Variants in OXCT1 observed in about 807,000 individuals in gnomAD.
OXCT1 encodes succinyl-CoA:3-ketoacid coenzyme A transferase 1, mitochondrial.
In OXCT1, 27 loss-of-function variants were observed where a neutral mutation model predicts 69.6. That is an observed-to-expected ratio of 0.39 (90% confidence interval 0.29 to 0.54). The LOEUF is 0.54. Ranked by LOEUF, OXCT1 falls within the 20% of genes least tolerant of loss-of-function variation. The pLI is 0.72. For missense variants in OXCT1, 437 were observed against 650.2 expected (o/e 0.67, Z 3.57); for synonymous variants, 202 against 217.8 (o/e 0.93, Z 0.64).
At chr5:41,846,883 T>C (rs1748934184) in intron 5 of OXCT1, among the ~76,000 whole-genome samples, 1 of 152,210 alleles carries the variant, frequency 6.6e-6, no homozygotes, top group Non-Finnish European at 1.5e-5. Context: ...TGATGGCCAG[T>C]GATGGTGAGC....
intron 3 of OXCT1, among the ~76,000 whole-genome samples, chr5:41,855,825 C>T (rs1353925653): frequency 6.6e-6 from 1 of 152,108 alleles, no homozygotes; most frequent in African/African-American, 2.4e-5. Context: ...GAGAACCCAA[C>T]TTTTGGGGAG....
chr5:41,785,174 T>C (rs944450116), intron 13 of OXCT1, among the ~76,000 whole-genome samples: 1 of 152,182 alleles, frequency 6.6e-6, no homozygotes, highest in African/African-American at 2.4e-5. Flanking sequence ...GAAATAATAT[T>C]TTGCTCCTGG....
chr5:41,787,354 A>G (rs1745687079), intron 13 of OXCT1, among the ~76,000 whole-genome samples: 1 of 152,202 alleles, frequency 6.6e-6, no homozygotes. Context: ...AAAGAAGGGA[A>G]GCCAACAAGA....
At chr5:41,768,407 ATTTGG>A (rs1268165145) in intron 13 of OXCT1, among the ~76,000 whole-genome samples, 3 of 152,178 alleles carry the variant, frequency 2.0e-5, no homozygotes, top group African/African-American at 7.2e-5. Context: ...AGGGATACTC[ATTTGG>A]TTCTAGGTGA....
At chr5:41,752,890 C>T (rs1312105169) in intron 14 of OXCT1, among the ~76,000 whole-genome samples, 2 of 152,100 alleles carry the variant, frequency 1.3e-5, no homozygotes, top group Non-Finnish European at 2.9e-5. Flanking sequence ...TTCTCTTTCT[C>T]CTTCAGCGCT....
intron 13 of OXCT1, among the ~76,000 whole-genome samples, chr5:41,772,075 T>C (rs937880001): frequency 6.6e-6 from 1 of 152,210 alleles, no homozygotes; most frequent in African/African-American, 2.4e-5. Context: ...TGTGTCTGCA[T>C]GTACTAAAAT....
chr5:41,819,806 A>C (rs1747457540), intron 7 of OXCT1, among the ~76,000 whole-genome samples: 1 of 152,062 alleles, frequency 6.6e-6, no homozygotes. Flanking sequence ...TTATTTTATG[A>C]AGGGGCTCTG....
chr5:41,814,727 G>A (rs1351960065), intron 7 of OXCT1, among the ~76,000 whole-genome samples: 1 of 126,438 alleles, frequency 7.9e-6, no homozygotes, highest in Non-Finnish European at 1.6e-5. Context: ...GACTGTTGTG[G>A]GGTGGGGGGA....
chr5:41,840,589 A>G (rs1459060334), intron 6 of OXCT1, 78 bp from the exon 7 acceptor site: 6 of 831,024 alleles, frequency 7.2e-6, no homozygotes, highest in Non-Finnish European at 1.2e-5. Context: ...AAGGTTTTAT[A>G]GATTAGAATT....
chr5:41,731,513 T>C lies in OXCT1; in HGVS notation c.*216A>G. On this transcript the variant is annotated 3_prime_UTR_variant, in exon 17 of 17. Coordinates refer to ENST00000196371, the MANE Select transcript of OXCT1 (RefSeq NM_000436.4). ...ATTATAAAAACAACCTTCTCAGCCT[T>C]AACAAATGAGATAATTATAAATGCT... 1.1e-6 allele frequency: 1 copy of C among 910,984 alleles called. No homozygotes were observed. The highest frequency in any genetic ancestry group is 1.9e-5 in the South Asian group (1 of 51,476). The allele number at this position is 910,984 out of a possible 1,614,324, so 56.4% of individuals were successfully genotyped here.
rs144524972 is a variant in OXCT1, at chr5:41,762,779, C to T, written c.1249-579G>A. Among the ~76,000 whole-genome samples the T allele has an allele frequency of 1.3e-5, 2 of 152,190 alleles. No homozygotes were observed. Among genetic ancestry groups the T allele is most frequent in the Non-Finnish European group, 2.9e-5 (2 of 67,972 alleles). On this transcript the variant is annotated intron_variant, in intron 13 of 16. Transcript: ENST00000196371. This position sits in a 1 kb window ranked among gnomAD's most constrained non-coding sequence, Gnocchi z 4.0. ...AAAAAACATTCTTGCTAAGCAAAAA[C>T]AGAACACAGAAACAGAGTTCAGGAT...
chr5:41,842,186 G>C (rs189205836), intron 6 of OXCT1, among the ~76,000 whole-genome samples: 1 of 152,088 alleles, frequency 6.6e-6, no homozygotes, highest in East Asian at 1.9e-4. Context: ...GTATTATAAA[G>C]GTTAATCAAT....
intron 13 of OXCT1, among the ~76,000 whole-genome samples, chr5:41,782,467 GC>G (rs2112184782): frequency 6.6e-6 from 1 of 152,242 alleles, no homozygotes; most frequent in South Asian, 2.1e-4. Flanking sequence ...GCCTGCCTTA[GC>G]CCCCCAAAGT....
In OXCT1 at chr5:41,795,704, T is replaced by C. The variant is rs1393783332; in HGVS notation, c.1100-955A>G. Among the ~76,000 whole-genome samples, 4 of 152,230 alleles carry C rather than the reference T, an allele frequency of 2.6e-5. No homozygotes were observed. In the East Asian group the frequency reaches 5.8e-4, roughly 22 times the overall value. ...ACTATACTGTATAATTGAAATTTGCTAGAAAAGTAGATCTTAAGAGTTCTC... is the reference window on the plus strand; with the variant it reads ...ACTATACTGTATAATTGAAATTTGCCAGAAAAGTAGATCTTAAGAGTTCTC... On this transcript the variant is annotated intron_variant, in intron 11 of 16. Transcript: ENST00000196371.
chr5:41,744,992 C>T (rs568137033), intron 15 of OXCT1, among the ~76,000 whole-genome samples: 3 of 152,138 alleles, frequency 2.0e-5, no homozygotes, highest in East Asian at 1.9e-4. Flanking sequence ...GACACATCAA[C>T]GAGACAGAAA....
At chr5:41,783,919 C>G (rs1002292974) in intron 13 of OXCT1, among the ~76,000 whole-genome samples, 4 of 152,140 alleles carry the variant, frequency 2.6e-5, no homozygotes, top group Non-Finnish European at 5.9e-5. Flanking sequence ...AGGTAGCAAT[C>G]AAAAGGCAAA....
At chr5:41,764,255 C>T (rs13179852) in intron 13 of OXCT1, among the ~76,000 whole-genome samples, 27,732 of 152,050 alleles carry the variant, frequency 0.18, 2,749 homozygotes, top group Middle Eastern at 0.29. Flanking sequence ...GGCAAAACAC[C>T]AAATCTCTCT....
chr5:41,838,361 G>A (rs569718533), intron 7 of OXCT1, among the ~76,000 whole-genome samples: 1 of 152,254 alleles, frequency 6.6e-6, no homozygotes, highest in South Asian at 2.1e-4. Context: ...CTATGGTCAT[G>A]TTTCTACTAT....
intron 13 of OXCT1, among the ~76,000 whole-genome samples, chr5:41,775,684 T>A (rs1284686637): frequency 6.6e-6 from 1 of 152,166 alleles, no homozygotes; most frequent in Non-Finnish European, 1.5e-5. Context: ...CCTCTAATCA[T>A]GTCTTGGTCT....
Sources: gnomAD v4.1 joint callset for allele counts (sites outside exome capture counted in the v4.1 genomes callset) on GRCh38, gnomAD v4.1.1 for gene constraint, Gnocchi (gnomAD v3.1) non-coding constraint, MANE v1.5 for transcripts, NCBI Gene and HGNC (gene_info 2026-07-23, HGNC 2026-07-21) for gene names.